EPC2: variants seen among roughly 807,000 people sequenced by gnomAD.
EPC2 encodes the protein enhancer of polycomb homolog 2.
In EPC2, 14 loss-of-function variants were observed where a neutral mutation model predicts 92.1. The ratio of observed to expected loss-of-function variants is 0.15; its 90% CI spans 0.10 to 0.24. EPC2 has a LOEUF of 0.24. Ranked by LOEUF, EPC2 falls within the 10% of genes least tolerant of loss-of-function variation. EPC2 has a pLI of 1.00. For missense variants in EPC2, 755 were observed against 971.5 expected (o/e 0.78, Z 2.96); for synonymous variants, 340 against 334.7 (o/e 1.02, Z -0.17).
intron 4 of EPC2, among the ~76,000 whole-genome samples, chr2:148,757,088 T>C (rs750961470): frequency 2.0e-5 from 3 of 152,170 alleles, no homozygotes; most frequent in African/African-American, 7.2e-5. Context: ...AATATTGATA[T>C]AGTTAGGGCT....
At chr2:148,705,297 T>G (rs183960447) in intron 2 of EPC2, among the ~76,000 whole-genome samples, 1 of 150,094 alleles carries the variant, frequency 6.7e-6, no homozygotes, top group Non-Finnish European at 1.5e-5. Context: ...GTTATCATTT[T>G]AAAAAAAAAA....
intron 1 of EPC2, among the ~76,000 whole-genome samples, chr2:148,681,149 C>G (rs946715724): frequency 6.6e-6 from 1 of 152,132 alleles, no homozygotes. Flanking sequence ...CCCCACAGTC[C>G]AGTGGAAGAA....
chr2:148,770,139 C>T (rs974614500), intron 8 of EPC2, among the ~76,000 whole-genome samples: 1 of 152,156 alleles, frequency 6.6e-6, no homozygotes, highest in Non-Finnish European at 1.5e-5. Flanking sequence ...CTTCAAACTC[C>T]TGGGCTCCAG....
intron 1 of EPC2, among the ~76,000 whole-genome samples, chr2:148,676,518 C>CA (rs1418581827): frequency 1.3e-5 from 2 of 151,808 alleles, no homozygotes; most frequent in Non-Finnish European, 2.9e-5. Context: ...AGAGGGCACA[C>CA]AGAAAAAAAT....
intron 10 of EPC2, among the ~76,000 whole-genome samples, chr2:148,775,700 A>ATTTAATTTAATTAAATAAAAT (rs1491215485): frequency 2.8e-4 from 41 of 147,538 alleles, no homozygotes; most frequent in Admixed American, 2.6e-3. Context: ...ATAAAATTAA[A>ATTTAATTTAATTAAATAAAAT]TATCTTTATT....
At chr2:148,681,541 G>A (rs1183986643) in intron 1 of EPC2, among the ~76,000 whole-genome samples, 1 of 152,094 alleles carries the variant, frequency 6.6e-6, no homozygotes, top group African/African-American at 2.4e-5. Context: ...TTTTGACTGC[G>A]ATCGACAATA....
intron 2 of EPC2, among the ~76,000 whole-genome samples, chr2:148,709,348 C>T (rs995561503): frequency 2.0e-5 from 3 of 152,106 alleles, no homozygotes; most frequent in African/African-American, 7.2e-5. Flanking sequence ...TAAAAGAGGA[C>T]ACAAACAAAT....
At chr2:148,732,514 G>T (rs529910114) in intron 2 of EPC2, among the ~76,000 whole-genome samples, 1 of 151,862 alleles carries the variant, frequency 6.6e-6, no homozygotes, top group Admixed American at 6.6e-5. Flanking sequence ...CCAAGTAGCT[G>T]AGACTATAGG....
intron 2 of EPC2, among the ~76,000 whole-genome samples, chr2:148,713,345 C>T (rs547071630): frequency 1.1e-4 from 17 of 151,930 alleles, no homozygotes; most frequent in African/African-American, 3.6e-4. Flanking sequence ...TAGTTTTTGA[C>T]ACAAAAAAAT....
chr2:148,739,062 A>G (rs1682823871), intron 2 of EPC2, among the ~76,000 whole-genome samples: 1 of 152,182 alleles, frequency 6.6e-6, no homozygotes, highest in Non-Finnish European at 1.5e-5. Context: ...TGTTGACCGG[A>G]TAGGTCCTTC....
Position 148,683,272 on chromosome 2 carries a change from AT to A in EPC2, c.154-6929del, listed in dbSNP as rs201642199. ...CCAAGTCTCCAAAGTCCATTATATC[AT>A]TTTTTTTTTTTTGAGATGGAGTCTT... On this transcript the variant is annotated intron_variant, in intron 1 of 13. Coordinates refer to ENST00000258484, the MANE Select transcript of EPC2 (RefSeq NM_015630.4). 7.5e-3 allele frequency among the ~76,000 whole-genome samples: 1,041 copies of A among 139,586 alleles called. 4 individuals are homozygous for A. The highest frequency in any genetic ancestry group is 0.019 in the African/African-American group (741 of 38,136). The allele number at this position is 139,586 out of a possible 152,430, so 91.6% of individuals were successfully genotyped here. A position where few individuals can be genotyped will look rare whatever the true frequency, so the allele number is the denominator to read the frequency against.
chr2:148,758,795 ACAAAT>A (rs1683243344), intron 4 of EPC2, among the ~76,000 whole-genome samples: 1 of 152,226 alleles, frequency 6.6e-6, no homozygotes, highest in Admixed American at 6.5e-5. Context: ...CAGTAATGGG[ACAAAT>A]AGTATCTTCT....
At chr2:148,707,980 C>A (rs181517313) in intron 2 of EPC2, among the ~76,000 whole-genome samples, 29 of 152,000 alleles carry the variant, frequency 1.9e-4, no homozygotes, top group African/African-American at 7.0e-4. Context: ...TAGCAGAAGG[C>A]AAGAAATAAC....
chr2:148,753,660 T>A (rs574084557), intron 3 of EPC2, among the ~76,000 whole-genome samples: 6 of 152,266 alleles, frequency 3.9e-5, no homozygotes, highest in African/African-American at 1.4e-4. Flanking sequence ...ATATTTATTA[T>A]AGTCTTCCCA....
chr2:148,734,949 A>G (rs1188937884), intron 2 of EPC2, among the ~76,000 whole-genome samples: 1 of 151,528 alleles, frequency 6.6e-6, no homozygotes, highest in Non-Finnish European at 1.5e-5. Context: ...AATTGTTTCT[A>G]ATTTTTGGCT....
chr2:148,785,327 C>G (rs1032020744), intron 13 of EPC2, among the ~76,000 whole-genome samples: 1 of 152,070 alleles, frequency 6.6e-6, no homozygotes, highest in Non-Finnish European at 1.5e-5. Flanking sequence ...CTCTTCCCCC[C>G]ACTGCCCGCC....
At chr2:148,691,738 C>T (rs889794332) in intron 2 of EPC2, 16 of 977,802 alleles carry the variant, frequency 1.6e-5, no homozygotes, top group Non-Finnish European at 2.6e-5. Flanking sequence ...GCTCAAGGTT[C>T]AGTTCTCAGG....
chr2:148,648,948 C>T (rs1411846070), intron 1 of EPC2, among the ~76,000 whole-genome samples: 1 of 152,168 alleles, frequency 6.6e-6, no homozygotes, highest in Non-Finnish European at 1.5e-5. Context: ...TGGCATCCTC[C>T]TTTAACTTGG....
chr2:148,709,934 T>C (rs1007171162), intron 2 of EPC2, among the ~76,000 whole-genome samples: 3 of 152,116 alleles, frequency 2.0e-5, no homozygotes, highest in African/African-American at 7.2e-5. Context: ...GACATAGGCA[T>C]GGACAAGGAA....
Sources: gnomAD v4.1 joint callset for allele counts (sites outside exome capture counted in the v4.1 genomes callset) on GRCh38, gnomAD v4.1.1 for gene constraint, MANE v1.5 for transcripts, NCBI Gene and HGNC (gene_info 2026-07-23, HGNC 2026-07-21) for gene names.